The following POU5F1 variants were observed in gnomAD, a reference collection of about 807,000 sequenced individuals.
POU5F1 encodes POU domain, class 5, transcription factor 1.
Under a neutral mutation model 38.3 loss-of-function variants are expected in POU5F1, and 6 were observed. The observed-to-expected ratio is 0.16, with a 90% CI of 0.09 to 0.31. The LOEUF is 0.31. Among genes scored for constraint, POU5F1 ranks in the 10% least tolerant of loss-of-function variants. The pLI is 1.00. For missense variants in POU5F1, 286 were observed against 462.6 expected (o/e 0.62, Z 3.50); for synonymous variants, 147 against 194.9 (o/e 0.75, Z 2.05).
rs1777154893 is a variant in POU5F1, at chr6:31,165,480, C to T, written c.657+91G>A. The T allele has an allele frequency of 6.2e-7, 1 of 1,602,524 alleles. No individual in the cohort carries two copies. The highest frequency in any genetic ancestry group is 8.5e-7 in the Non-Finnish European group (1 of 1,174,842). On this transcript the variant is annotated intron_variant, in intron 3 of 4. Coordinates refer to ENST00000259915, the MANE Select transcript of POU5F1 (RefSeq NM_002701.6). The surrounding 1 kb of genome is among the most constrained non-coding windows in gnomAD (Gnocchi z 6.5). Reference sequence around the variant, plus strand: ...CTCCATCCCACTGAGAACCACTGCACCAAAGACGGAGAGCTACGAGCCAGT... The same window carrying T: ...CTCCATCCCACTGAGAACCACTGCATCAAAGACGGAGAGCTACGAGCCAGT...
At position 31,170,282 on chromosome 6, in the gene POU5F1, C is replaced by G; in HGVS notation, c.339G>C (p.Glu113Asp). The G allele has an allele frequency of 6.2e-7, 1 of 1,612,888 alleles. No homozygotes were observed. The highest frequency in any genetic ancestry group is 8.5e-7 in the Non-Finnish European group (1 of 1,179,838). ...VESNSDGASP[E>D]PCTVTPGAVK... ...CGGCACCAGGGGTGACGGTGCAGGG[C>G]TCCGGGGAGGCCCCATCGGAGTTGC... Residue 113 changes from glutamate to aspartate, a missense_variant, in exon 1 of 5, where the codon GAG (glutamate) becomes GAC (aspartate). By Grantham distance (45) the Glu-to-Asp change is conservative. Around this residue, in one of 2 missense-constraint regions of POU5F1, gnomAD observed 176 missense variants for 184.8 expected, o/e 0.95. Coordinates refer to ENST00000259915, the MANE Select transcript of POU5F1 (RefSeq NM_002701.6).
intron 1 of POU5F1, chr6:31,166,512 A>G (rs533115866): frequency 9.0e-5 from 98 of 1,086,678 alleles, no homozygotes; most frequent in South Asian, 3.0e-4. Flanking sequence ...CACAAAAATT[A>G]GCTGGGCACG....
intron 1 of POU5F1, chr6:31,166,852 T>A: frequency 8.0e-7 from 1 of 1,247,976 alleles, no homozygotes; most frequent in Non-Finnish European, 1.0e-6. Flanking sequence ...GCTTTGAGGG[T>A]CCCACAAACT....
rs1269362952 is a variant in POU5F1 at position 31,165,442 on chromosome 6, C to T, written c.657+129G>A. 6.3e-7 allele frequency: 1 copy of T among 1,575,204 alleles called. No homozygotes were observed. Among genetic ancestry groups the T allele is most frequent in the African/African-American group, 1.3e-5 (1 of 74,190 alleles). Reference sequence around the variant, plus strand: ...GGCTCTGGACCTTATCCCAGCAGAACTGAGGAATTTCACTCCATCCCACTG... The same window carrying T: ...GGCTCTGGACCTTATCCCAGCAGAATTGAGGAATTTCACTCCATCCCACTG... On this transcript the variant is annotated intron_variant, in intron 3 of 4. Coordinates refer to ENST00000259915, the MANE Select transcript of POU5F1 (RefSeq NM_002701.6). This position sits in a 1 kb window ranked among gnomAD's most constrained non-coding sequence, Gnocchi z 6.5.
At chr6:31,166,158 A>G in intron 1 of POU5F1, 111 bp from the exon 2 acceptor site, 1 of 1,611,286 alleles carries the variant, frequency 6.2e-7, no homozygotes, top group Non-Finnish European at 8.5e-7. Context: ...AATAGTCTGT[A>G]GAAGTGCCTC....
chr6:31,170,141 A>T (rs1777551695), intron 1 of POU5F1, 75 bp downstream of exon 1: 4 of 1,609,378 alleles, frequency 2.5e-6, no homozygotes, highest in Non-Finnish European at 3.4e-6. Flanking sequence ...GGGCAGCTGC[A>T]GGTGACCACT....
rs761437827 is a variant in POU5F1 at position 31,165,717 on chromosome 6, CAAAAG to C, written c.527-21_527-17del. ...AATACCTTCCCTGGGGGAGGCCAGT[CAAAAG>C]AGAAGCAAAGTGAGGGAGCACGCAG... On this transcript the variant is annotated splice_polypyrimidine_tract_variant and intron_variant, in intron 2 of 4. Coordinates refer to ENST00000259915, the MANE Select transcript of POU5F1 (RefSeq NM_002701.6). This position sits in a 1 kb window ranked among gnomAD's most constrained non-coding sequence, Gnocchi z 6.5. 5.6e-6 allele frequency: 9 copies of C among 1,604,658 alleles called. No individual in the cohort carries two copies. The East Asian group carries it at 2.0e-4, about 36-fold the overall frequency.
Position 31,164,517 on chromosome 6 carries a change from C to G in POU5F1, c.*84G>C. ...TCCTTAGTGAATGAAGAACTTAATC[C>G]CAAAAACCCTGGCACAAACTCCAGG... On this transcript the variant is annotated 3_prime_UTR_variant, in exon 5 of 5. Transcript: ENST00000259915. The G allele has an allele frequency of 6.4e-7, 1 of 1,550,520 alleles. No individual in the cohort carries two copies. Among genetic ancestry groups the G allele is most frequent in the South Asian group, 1.2e-5 (1 of 84,242 alleles).
chr6:31,167,404 A>T (rs1450838998), intron 1 of POU5F1, among the ~76,000 whole-genome samples: 1 of 151,710 alleles, frequency 6.6e-6, no homozygotes, highest in Admixed American at 6.6e-5. Context: ...ATATATATAT[A>T]TATTATGGAA....
At chr6:31,166,940 A>C (rs1340775926) in intron 1 of POU5F1, 1 of 1,016,962 alleles carries the variant, frequency 9.8e-7, no homozygotes, top group African/African-American at 3.0e-5. Context: ...CTTTGTGTGT[A>C]CTTACTCATT....
At chr6:31,170,009 T>C in intron 1 of POU5F1, 1 of 770,462 alleles carries the variant, frequency 1.3e-6, no homozygotes, top group Non-Finnish European at 2.0e-6. Flanking sequence ...CAGTTGTCTC[T>C]TCGAAATCCA....
chr6:31,166,277 C>A, intron 1 of POU5F1: 9 of 1,531,336 alleles, frequency 5.9e-6, no homozygotes, highest in Non-Finnish European at 7.9e-6. Context: ...ACTCTTCCCC[C>A]AGAAACTGGC....
intron 1 of POU5F1, among the ~76,000 whole-genome samples, chr6:31,168,742 G>A (rs1777462061): frequency 6.6e-6 from 1 of 152,142 alleles, no homozygotes; most frequent in Admixed American, 6.6e-5. Flanking sequence ...GAGCAGTTCA[G>A]GGAGCCATCA....
At chr6:31,166,345 A>AGC (rs28728473) in intron 1 of POU5F1, 70,270 of 1,325,524 alleles carry the variant, frequency 0.053, 2,025 homozygotes, top group South Asian at 0.081. Context: ...TGGCCTCGAG[A>AGC]ACACCTGTCA....
chr6:31,166,424 G>A, intron 1 of POU5F1: 1 of 1,366,770 alleles, frequency 7.3e-7, no homozygotes, highest in Non-Finnish European at 9.6e-7. Flanking sequence ...ACTTTGGGAG[G>A]CCGAGGTGGG....
Position 31,170,313 on chromosome 6 carries a change from A to T in POU5F1, c.308T>A (p.Val103Glu). Residue 103 changes from valine to glutamate, a missense_variant, in exon 1 of 5, where the codon GTG becomes GAG. Val to Glu is a moderately radical substitution (Grantham distance 121). Coordinates refer to ENST00000259915, the MANE Select transcript of POU5F1 (RefSeq NM_002701.6). ...SQPEGEAGVG[V>E]ESNSDGASPE... ...GGAGGCCCCATCGGAGTTGCTCTCCACCCCGACTCCTGCTTCGCCCTCAGG... is the reference window on the plus strand; with the variant it reads ...GGAGGCCCCATCGGAGTTGCTCTCCTCCCCGACTCCTGCTTCGCCCTCAGG... 6.2e-7 allele frequency: 1 copy of T among 1,612,666 alleles called. No homozygotes were observed. Among genetic ancestry groups the T allele is most frequent in the East Asian group, 2.2e-5 (1 of 44,876 alleles).
chr6:31,165,115 A>C lies in POU5F1; in HGVS notation c.816+13T>G. 3 of 1,605,920 alleles carry C rather than the reference A, an allele frequency of 1.9e-6. No individual in the cohort carries two copies. The highest frequency in any genetic ancestry group is 1.7e-6 in the Non-Finnish European group (2 of 1,176,504). Reference sequence around the variant, plus strand: ...GGAAAGAGATGGAGCCCGCAGAGAGACATGGCACTCACATCCTTCTCGAGC... The same window carrying C: ...GGAAAGAGATGGAGCCCGCAGAGAGCCATGGCACTCACATCCTTCTCGAGC... On this transcript the variant is annotated intron_variant, in intron 4 of 4. Coordinates refer to ENST00000259915, the MANE Select transcript of POU5F1 (RefSeq NM_002701.6). The surrounding 1 kb of genome is among the most constrained non-coding windows in gnomAD (Gnocchi z 6.5).
intron 1 of POU5F1, among the ~76,000 whole-genome samples, chr6:31,167,912 C>CT (rs1250422685): frequency 6.6e-6 from 1 of 151,194 alleles, no homozygotes; most frequent in Non-Finnish European, 1.5e-5. Context: ...GACATAGTGA[C>CT]TTTGTTTTAG....
chr6:31,170,113 C>T, intron 1 of POU5F1, 103 bp downstream of exon 1: 1 of 1,590,704 alleles, frequency 6.3e-7, no homozygotes, highest in Non-Finnish European at 8.6e-7. Context: ...GCCTGCTCCT[C>T]TCCTGGGTGC....
Sources: gnomAD v4.1 joint callset for allele counts (sites outside exome capture counted in the v4.1 genomes callset) on GRCh38, gnomAD v4.1.1 for gene constraint, gnomAD v4.1.1 regional missense constraint, Gnocchi (gnomAD v3.1) non-coding constraint, MANE v1.5 for transcripts, NCBI Gene and HGNC (gene_info 2026-07-23, HGNC 2026-07-21) for gene names.